Variants in SIRT1 observed in about 807,000 individuals in gnomAD.
The protein encoded by SIRT1 is sirtuin 1.
Under a neutral mutation model 67.9 loss-of-function variants are expected in SIRT1, and 24 were observed. That is an observed-to-expected ratio of 0.35 (90% CI 0.26 to 0.50). The LOEUF (loss-of-function observed/expected upper bound fraction) is 0.50. Among genes scored for constraint, SIRT1 ranks in the 20% least tolerant of loss-of-function variants. The pLI is 0.98. For missense variants in SIRT1, 873 were observed against 937.2 expected, an observed-to-expected ratio of 0.93 and a Z score of 0.89; for synonymous variants, 378 against 350.7, an observed-to-expected ratio of 1.08 and a Z score of -0.87.
intron 3 of SIRT1, 43 bp from the exon 4 acceptor site, chr10:67,891,359 G>T (rs765636025): frequency 6.3e-7 from 1 of 1,587,634 alleles, no homozygotes; most frequent in African/African-American, 1.3e-5. Context: ...TTCCTATAAA[G>T]GTAGAAGATT....
At chr10:67,894,423 C>T (rs1268031863) in intron 4 of SIRT1, among the ~76,000 whole-genome samples, 1 of 152,084 alleles carries the variant, frequency 6.6e-6, no homozygotes, top group Admixed American at 6.6e-5. Flanking sequence ...ACTGTTTTAA[C>T]CTACTCCTGC....
At chr10:67,899,998 C>T (rs180935780) in intron 4 of SIRT1, among the ~76,000 whole-genome samples, 45 of 152,096 alleles carry the variant, frequency 3.0e-4, no homozygotes, top group African/African-American at 9.2e-4. Flanking sequence ...GGAGGAGAAT[C>T]GCTTGAACTC....
intron 1 of SIRT1, among the ~76,000 whole-genome samples, chr10:67,887,015 G>A (rs1842493964): frequency 6.6e-6 from 1 of 152,032 alleles, no homozygotes; most frequent in African/African-American, 2.4e-5. Flanking sequence ...GGGATTACAG[G>A]CATGCGCCAC....
At chr10:67,906,705 G>A in intron 4 of SIRT1, 85 bp from the exon 5 acceptor site, 2 of 1,294,036 alleles carry the variant, frequency 1.5e-6, no homozygotes, top group South Asian at 2.6e-5. Flanking sequence ...ATGTGTGTGG[G>A]ATTATCAGTA....
chr10:67,886,143 A>G (rs983975471), intron 1 of SIRT1, among the ~76,000 whole-genome samples: 22 of 151,812 alleles, frequency 1.4e-4, no homozygotes, highest in Admixed American at 3.3e-4. Flanking sequence ...GGGTTTCACC[A>G]TGTTGGCCAG....
In SIRT1 at chr10:67,891,500, G is replaced by T. The variant is rs753708973; in HGVS notation, c.888G>T (p.Met296Ile). 6.2e-7 allele frequency: 1 copy of T among 1,614,140 alleles called. No individual in the cohort carries two copies. The highest frequency in any genetic ancestry group is 8.5e-7 in the Non-Finnish European group (1 of 1,180,024). ...DFPDLPDPQA[M>I]FDIEYFRKDP... ...CAGATCTTCCAGATCCTCAAGCGAT[G>T]TTTGATATTGAATATTTCAGAAAAG... The change falls in exon 4 of 9, where the codon ATG (methionine) becomes ATT (isoleucine). Residue 296 changes from methionine (M) to isoleucine (I), a missense_variant. Met to Ile is a conservative substitution (Grantham distance 10). Transcript: ENST00000212015.
chr10:67,891,685 C>A, intron 4 of SIRT1, 131 bp downstream of exon 4: 1 of 843,994 alleles, frequency 1.2e-6, no homozygotes, highest in Non-Finnish European at 1.8e-6. Context: ...GGAGTAAGAT[C>A]ACTCATTATG....
chr10:67,903,856 C>A (rs986750832), intron 4 of SIRT1, among the ~76,000 whole-genome samples: 1 of 152,160 alleles, frequency 6.6e-6, no homozygotes, highest in South Asian at 2.1e-4. Context: ...CTATAAGGAT[C>A]CCTATGGCAG....
intron 4 of SIRT1, chr10:67,906,219 A>G (rs1252293555): frequency 6.7e-7 from 1 of 1,492,318 alleles, no homozygotes. Flanking sequence ...AAATCCAGCA[A>G]CTCAGCATTC....
chr10:67,888,796 A>G lies in SIRT1; in HGVS notation c.548-86A>G. The G allele has an allele frequency of 2.1e-6, 3 of 1,463,400 alleles. No homozygotes were observed. The South Asian group carries it at 4.2e-5, about 21-fold the overall frequency. The allele number at this position is 1,463,400 out of a possible 1,614,324, so 90.7% of individuals were successfully genotyped here. On this transcript the variant is annotated intron_variant, in intron 2 of 8. Transcript: ENST00000212015. The stretch of plus-strand genomic sequence containing the variant: ...TTCTTACTTTGCAAAAAACCCTCAC[A>G]GAATGCTAACTCATTACTTCAGAAA...
chr10:67,912,842 G>A lies in SIRT1; in HGVS notation c.1726G>A (p.Glu576Lys), dbSNP rs779678154. The A allele has an allele frequency of 6.2e-7, 1 of 1,613,908 alleles. No individual in the cohort carries two copies. Among genetic ancestry groups the A allele is most frequent in the Non-Finnish European group, 8.5e-7 (1 of 1,180,004 alleles). The change falls in exon 8 of 9, where the codon GAA becomes AAA. Residue 576 changes from glutamate (E) to lysine (K), a missense_variant. Glu to Lys is a moderately conservative substitution (Grantham distance 56, BLOSUM62 1). This residue lies in a region of SIRT1 where 295 missense variants were observed against 294.5 expected (regional missense o/e 1.00). Transcript: ENST00000212015. ...LDVSESKGCMEEKPQEVQTSR... is the reference protein window; with the variant it reads ...LDVSESKGCMKEKPQEVQTSR... ...TGTGTCTGAATCAAAAGGTTGTATGGAAGAAAAACCACAGGAAGTACAAAC... is the reference window on the plus strand; with the variant it reads ...TGTGTCTGAATCAAAAGGTTGTATGAAAGAAAAACCACAGGAAGTACAAAC...
chr10:67,885,352 T>G, intron 1 of SIRT1: 1 of 1,235,550 alleles, frequency 8.1e-7, no homozygotes, highest in Non-Finnish European at 1.0e-6. Context: ...GCTCTTTTCC[T>G]CCGTCCGTGG....
chr10:67,908,114 A>G lies in SIRT1; in HGVS notation c.1159A>G (p.Ile387Val), dbSNP rs17855431. 6.2e-7 allele frequency: 1 copy of G among 1,612,988 alleles called. No homozygotes were observed. Among genetic ancestry groups the G allele is most frequent in the East Asian group, 2.2e-5 (1 of 44,768 alleles). Residue 387 changes from isoleucine (I) to valine (V), a missense_variant, in exon 6 of 9, where the codon ATT (isoleucine) becomes GTT (valine). This residue lies in a region of SIRT1 where 251 missense variants were observed against 358.8 expected (regional missense o/e 0.70). Transcript: ENST00000212015. Reference protein sequence around the residue: ...KVDCEAVRGDIFNQVVPRCPR... With the variant: ...KVDCEAVRGDVFNQVVPRCPR... ...TGACTGTGAAGCTGTACGAGGAGAT[A>G]TTTTTAATCAGGTAATTTGTTGCCC...
chr10:67,905,725 C>T (rs888910100), intron 4 of SIRT1, among the ~76,000 whole-genome samples: 3 of 152,166 alleles, frequency 2.0e-5, no homozygotes, highest in African/African-American at 7.2e-5. Flanking sequence ...TATACATATG[C>T]ATATAATTTC....
intron 4 of SIRT1, among the ~76,000 whole-genome samples, chr10:67,905,124 T>G (rs7096385): frequency 6.6e-6 from 1 of 152,082 alleles, no homozygotes; most frequent in African/African-American, 2.4e-5. Context: ...TTGCTTACTA[T>G]TATAGGTCCT....
At chr10:67,902,097 T>G (rs1185664852) in intron 4 of SIRT1, among the ~76,000 whole-genome samples, 2 of 152,208 alleles carry the variant, frequency 1.3e-5, no homozygotes, top group Non-Finnish European at 2.9e-5. Context: ...CAAGCGATTC[T>G]CCTGCCTCAG....
Position 67,916,459 on chromosome 10 carries a change from G to A in SIRT1, c.2110G>A (p.Asp704Asn). The change falls in exon 9 of 9, where the codon GAT becomes AAT. Residue 704 changes from aspartate (D) to asparagine (N), a missense_variant. Coordinates refer to ENST00000212015, the MANE Select transcript of SIRT1 (RefSeq NM_012238.5). ...EIEEFYNGLE[D>N]EPDVPERAGG... is the part of the protein sequence containing the mutation. ...TGAAGAATTCTACAATGGCTTAGAA[G>A]ATGAGCCTGATGTTCCAGAGAGAGC... 1.2e-6 allele frequency: 2 copies of A among 1,614,172 alleles called. No homozygotes were observed. The highest frequency in any genetic ancestry group is 1.7e-6 in the Non-Finnish European group (2 of 1,180,020).
chr10:67,914,086 T>TTTTG (rs1313819298), intron 8 of SIRT1, among the ~76,000 whole-genome samples: 1 of 66,038 alleles, frequency 1.5e-5, no homozygotes, highest in African/African-American at 4.5e-5. Flanking sequence ...TTTTTTTTTT[T>TTTTG]TTTGTGACGG....
chr10:67,914,697 C>A (rs867180314), intron 8 of SIRT1, among the ~76,000 whole-genome samples: 3 of 152,004 alleles, frequency 2.0e-5, no homozygotes, highest in African/African-American at 7.2e-5. Flanking sequence ...CTGGAACAGT[C>A]ATTTTTTTTT....
Sources: allele counts gnomAD v4.1 joint callset (sites outside exome capture counted in the v4.1 genomes callset), GRCh38; gene constraint gnomAD v4.1.1; regional missense constraint gnomAD v4.1.1; transcripts MANE v1.5; gene names NCBI Gene and HGNC (gene_info 2026-07-23, HGNC 2026-07-21).